The following CTNNA2 variants were observed in gnomAD, a reference collection of about 807,000 sequenced individuals.
CTNNA2 encodes catenin alpha 2, also known as catenin alpha-2.
CTNNA2 carries 42 observed loss-of-function variants against 101.0 expected under a neutral mutation model. The observed-to-expected ratio is 0.42, with a 90% confidence interval of 0.32 to 0.54. The LOEUF (loss-of-function observed/expected upper bound fraction) is 0.54. Among genes scored for constraint, CTNNA2 ranks in the 20% least tolerant of loss-of-function variants. The pLI is 0.14. For synonymous variants in CTNNA2, 450 were observed against 456.4 expected, an observed-to-expected ratio of 0.99 and a Z score of 0.18; for missense variants, 871 against 1,223.1, an observed-to-expected ratio of 0.71 and a Z score of 4.29.
intron 12 of CTNNA2, among the ~76,000 whole-genome samples, chr2:80,567,557 G>A (rs963694843): frequency 6.6e-6 from 1 of 152,062 alleles, no homozygotes; most frequent in Non-Finnish European, 1.5e-5. Context: ...TAATTAGGGG[G>A]CCTCCTGAAT....
chr2:79,648,310 C>T (rs1680970902), intron 1 of CTNNA2, among the ~76,000 whole-genome samples: 1 of 152,130 alleles, frequency 6.6e-6, no homozygotes, highest in Non-Finnish European at 1.5e-5. Flanking sequence ...ACTCATTTTG[C>T]CTTCTCTGCC....
intron 13 of CTNNA2, chr2:80,579,118 G>C (rs527735210): frequency 2.0e-5 from 3 of 152,184 alleles, no homozygotes; most frequent in Non-Finnish European, 2.9e-5. Context: ...CATATAGCTT[G>C]TGAATGGCAG....
At chr2:80,102,730 T>G (rs1700619273) in intron 7 of CTNNA2, among the ~76,000 whole-genome samples, 4 of 152,158 alleles carry the variant, frequency 2.6e-5, no homozygotes, top group Non-Finnish European at 5.9e-5. Flanking sequence ...CAGGCTGGTC[T>G]TGAACTCCTG....
chr2:80,595,228 C>A (rs570851087), intron 15 of CTNNA2, among the ~76,000 whole-genome samples: 1 of 152,078 alleles, frequency 6.6e-6, no homozygotes, highest in South Asian at 2.1e-4. Context: ...TATTCCTAAA[C>A]ATTTTATTTT....
chr2:80,538,261 T>G (rs1298226493), intron 9 of CTNNA2, among the ~76,000 whole-genome samples: 1 of 152,290 alleles, frequency 6.6e-6, no homozygotes, highest in Middle Eastern at 3.4e-3. Flanking sequence ...CTTTTGTTAC[T>G]ATTGCTTTTG....
At position 80,351,216 on chromosome 2, in the gene CTNNA2, T is replaced by C. The variant is rs1027779992; in HGVS notation, c.1057-41995T>C. On this transcript the variant is annotated intron_variant, in intron 7 of 18. Coordinates refer to ENST00000402739, the MANE Select transcript of CTNNA2 (RefSeq NM_001282597.3). ...TTCCAGTTGCAAGTGTGATTAAATA[T>C]GATAAAAATAGGGAACCAAAAGTGA... Among the ~76,000 whole-genome samples, 3 of 152,106 alleles carry C rather than the reference T, an allele frequency of 2.0e-5. No homozygotes were observed. In the East Asian group the frequency reaches 5.8e-4, roughly 30 times the overall value.
At chr2:79,578,188 G>A (rs1490254242) in intron 1 of CTNNA2, among the ~76,000 whole-genome samples, 2 of 152,060 alleles carry the variant, frequency 1.3e-5, no homozygotes, top group Non-Finnish European at 2.9e-5. Flanking sequence ...ATTTTGCTCT[G>A]TAAATGTCCT....
chr2:79,836,838 T>C (rs917003724), intron 3 of CTNNA2, among the ~76,000 whole-genome samples: 1 of 152,120 alleles, frequency 6.6e-6, no homozygotes, highest in African/African-American at 2.4e-5. Flanking sequence ...GGCATGATCA[T>C]GGCTTACTGC....
chr2:80,099,576 G>T (rs928344094), intron 7 of CTNNA2, among the ~76,000 whole-genome samples: 2 of 152,110 alleles, frequency 1.3e-5, no homozygotes, highest in African/African-American at 4.8e-5. Context: ...GTAGGCAAGG[G>T]GCTGAGTATT....
intron 7 of CTNNA2, among the ~76,000 whole-genome samples, chr2:80,060,216 A>G (rs1697485342): frequency 6.6e-6 from 1 of 152,174 alleles, no homozygotes; most frequent in Non-Finnish European, 1.5e-5. Context: ...ATACCTCTGC[A>G]GAAACCACCC....
chr2:80,116,902 A>AGTGTGTGTGT (rs112383959), intron 7 of CTNNA2, among the ~76,000 whole-genome samples: 13,782 of 143,478 alleles, frequency 0.096, 912 homozygotes, highest in African/African-American at 0.18. Context: ...AGAAGAAAAT[A>AGTGTGTGTGT]GTGTGTGTGT....
chr2:80,547,492 G>A (rs1305487986), intron 11 of CTNNA2, among the ~76,000 whole-genome samples: 2 of 152,000 alleles, frequency 1.3e-5, no homozygotes, highest in Admixed American at 6.6e-5. Flanking sequence ...ATTTCCTTTG[G>A]TGCTTGCTGC....
chr2:79,201,287 A>T (rs570922623), intron 2 of CTNNA2, among the ~76,000 whole-genome samples: 2 of 152,360 alleles, frequency 1.3e-5, no homozygotes, highest in African/African-American at 4.8e-5. Context: ...TTATATAATT[A>T]CTGAGCACTC....
intron 8 of CTNNA2, among the ~76,000 whole-genome samples, chr2:80,396,141 T>C (rs1677990503): frequency 1.3e-5 from 2 of 152,134 alleles, no homozygotes; most frequent in South Asian, 4.2e-4. Context: ...AGGATTTTGG[T>C]TTAAGTGGAA....
chr2:80,104,495 C>A (rs752052992), intron 7 of CTNNA2, among the ~76,000 whole-genome samples: 1 of 152,238 alleles, frequency 6.6e-6, no homozygotes, highest in East Asian at 1.9e-4. Context: ...AACTTCTAAC[C>A]GACAATAAAC....
chr2:80,160,888 A>G (rs981842983), intron 7 of CTNNA2, among the ~76,000 whole-genome samples: 14 of 151,468 alleles, frequency 9.2e-5, no homozygotes, highest in African/African-American at 3.4e-4. Flanking sequence ...TATAATGTTG[A>G]CTATAGTTTT....
At chr2:80,576,222 C>T (rs1433896431) in intron 13 of CTNNA2, 2 of 152,074 alleles carry the variant, frequency 1.3e-5, no homozygotes. Context: ...GCAGTCAATA[C>T]ATATTTAATG....
chr2:80,376,168 G>A (rs980639799), intron 7 of CTNNA2, among the ~76,000 whole-genome samples: 1 of 151,920 alleles, frequency 6.6e-6, no homozygotes. Flanking sequence ...TTTGTTTAGA[G>A]TCATACATAT....
chr2:80,263,472 T>C (rs1430979722), intron 7 of CTNNA2, among the ~76,000 whole-genome samples: 1 of 152,154 alleles, frequency 6.6e-6, no homozygotes, highest in Non-Finnish European at 1.5e-5. Context: ...GTAGATGGGA[T>C]TACAGGCACG....
Sources: allele counts gnomAD v4.1 joint callset (sites outside exome capture counted in the v4.1 genomes callset), GRCh38; gene constraint gnomAD v4.1.1; transcripts MANE v1.5; gene names NCBI Gene and HGNC (gene_info 2026-07-23, HGNC 2026-07-21).